Variants in TMEM151A observed in about 807,000 individuals in gnomAD.
TMEM151A encodes transmembrane protein 151A, also known as transmembrane protein 151.
A neutral mutation model predicts 33.7 loss-of-function variants in TMEM151A; 21 were observed. The observed-to-expected ratio is 0.62, with a 90% confidence interval of 0.44 to 0.90. TMEM151A has a LOEUF of 0.90. TMEM151A is among the 40% of genes least tolerant of loss of function. The probability of loss-of-function intolerance (pLI) is 0.00; values close to 1 mark genes in which losing one functional copy is unlikely to be tolerated. For missense variants in TMEM151A, 704 were observed against 697.7 expected, an observed-to-expected ratio of 1.01 and a Z score of -0.10; for synonymous variants, 374 against 330.3, an observed-to-expected ratio of 1.13 and a Z score of -1.43.
rs552250699 is a variant in TMEM151A, at chr11:66,292,033, G to A, written c.20G>A (p.Gly7Asp). ...GACACCATGCCCGAGGACGGCGCTG[G>A]CGACGGCGGGGAGGTGCCCGCGCTC... is the stretch of plus-strand genomic sequence containing the variant. MPEDGA[G>D]DGGEVPALIP... Residue 7 changes from glycine to aspartate, a missense_variant, in exon 1 of 2, where the codon GGC becomes GAC. By Grantham distance (94) the Gly-to-Asp change is moderately conservative. Transcript: ENST00000327259. The surrounding 1 kb of genome is among the most constrained non-coding windows in gnomAD (Gnocchi z 4.7). The A allele has an allele frequency of 1.8e-3, 2,698 of 1,501,756 alleles. 6 individuals carry two copies. Among genetic ancestry groups the A allele is most frequent in the Non-Finnish European group, 2.2e-3 (2,525 of 1,132,252 alleles). The allele number at this position is 1,501,756 out of a possible 1,614,324, so 93.0% of individuals were successfully genotyped here.
chr11:66,292,755 T>A lies in TMEM151A; in HGVS notation c.75+667T>A, dbSNP rs1404102797. ...GTGTGTGAATTGGGTGTGTGCGCCCTGTAGTCAGGTGAGGGGCGAGTGGGT... is the reference window on the plus strand; with the variant it reads ...GTGTGTGAATTGGGTGTGTGCGCCCAGTAGTCAGGTGAGGGGCGAGTGGGT... On this transcript the variant is annotated intron_variant, in intron 1 of 1. Coordinates refer to ENST00000327259, the MANE Select transcript of TMEM151A (RefSeq NM_153266.4). The surrounding 1 kb of genome is among the most constrained non-coding windows in gnomAD (Gnocchi z 4.7). Among the ~76,000 whole-genome samples the A allele has an allele frequency of 3.3e-5, 5 of 151,812 alleles. No individual in the cohort carries two copies.
rs911213765 is a variant in TMEM151A at position 66,292,893 on chromosome 11, G to T, written c.75+805G>T. 6.6e-6 allele frequency among the ~76,000 whole-genome samples: 1 copy of T among 151,806 alleles called. No individual in the cohort carries two copies. Among genetic ancestry groups the T allele is most frequent in the Non-Finnish European group, 1.5e-5 (1 of 67,918 alleles). On this transcript the variant is annotated intron_variant, in intron 1 of 1. Transcript: ENST00000327259. The surrounding 1 kb of genome is among the most constrained non-coding windows in gnomAD (Gnocchi z 4.7). ...GAGCCTGGGGGTCAGTTTGCAGTGG[G>T]GGGTGGGGAGATGTGCACTGTGGTC...
intron 1 of TMEM151A, 61 bp from the exon 2 acceptor site, chr11:66,294,261 G>T: frequency 1.3e-6 from 2 of 1,581,366 alleles, no homozygotes; most frequent in Non-Finnish European, 1.7e-6. Context: ...GTTAAGCAAA[G>T]TGGCAGGCCC....
Position 66,295,505 on chromosome 11 carries a change from G to A in TMEM151A, c.1259G>A (p.Arg420His), listed in dbSNP as rs1228708534. The A allele has an allele frequency of 5.0e-6, 7 of 1,391,940 alleles. No individual in the cohort carries two copies. Among genetic ancestry groups the A allele is most frequent in the Non-Finnish European group, 6.5e-6 (7 of 1,072,976 alleles). The allele number at this position is 1,391,940 out of a possible 1,614,324, so 86.2% of individuals were successfully genotyped here. ...AGGRATPGVFRSLSGGPLGRR... is the reference protein window; with the variant it reads ...AGGRATPGVFHSLSGGPLGRR... ...GGCCGGGCCACGCCAGGGGTCTTCC[G>A]CAGCCTGAGCGGGGGGCCGCTGGGG... The change falls in exon 2 of 2, where the codon CGC (arginine) becomes CAC (histidine). Residue 420 changes from arginine (R) to histidine (H), a missense_variant. Around this residue, in one of 3 missense-constraint regions of TMEM151A, gnomAD observed 398 missense variants for 356.0 expected, o/e 1.12. Transcript: ENST00000327259.
rs1463393094 is a variant in TMEM151A at position 66,295,409 on chromosome 11, C to G, written c.1163C>G (p.Ser388Trp). 1.3e-6 allele frequency: 2 copies of G among 1,514,958 alleles called. No homozygotes were observed. The highest frequency in any genetic ancestry group is 1.8e-6 in the Non-Finnish European group (2 of 1,132,240). 93.8% of individuals were successfully genotyped at this position (1,514,958 alleles called of 1,614,324 possible). A position where few individuals can be genotyped will look rare whatever the true frequency, so the allele number is the denominator to read the frequency against. ...QRCRRSVSSN[S>W]LPPARPSGPR... ...TGCCGCCGCTCTGTCAGCAGCAACT[C>G]GCTGCCCCCCGCCCGGCCCAGCGGG... Residue 388 changes from serine (S) to tryptophan (W), a missense_variant, in exon 2 of 2, where the codon TCG (serine) becomes TGG (tryptophan). By Grantham distance (177) the Ser-to-Trp change is radical. This residue lies in a region of TMEM151A where 398 missense variants were observed against 356.0 expected (regional missense o/e 1.12). Coordinates refer to ENST00000327259, the MANE Select transcript of TMEM151A (RefSeq NM_153266.4).
rs1857487702 is a variant in TMEM151A at position 66,294,442 on chromosome 11, A to G, written c.196A>G (p.Thr66Ala). 2 of 1,610,458 alleles carry G rather than the reference A, an allele frequency of 1.2e-6. No homozygotes were observed. The highest frequency in any genetic ancestry group is 1.3e-5 in the African/African-American group (1 of 74,888). The change falls in exon 2 of 2, where the codon ACA becomes GCA. Residue 66 changes from threonine (T) to alanine (A), a missense_variant. Coordinates refer to ENST00000327259, the MANE Select transcript of TMEM151A (RefSeq NM_153266.4). ...CGTGGTGGCCTGGTGTCGCCTGGCC[A>G]CAGTGCCGCGGCTGGTCCTGGGGCC... ...GAVVAWCRLA[T>A]VPRLVLGPEA...
rs1282443756 is a variant in TMEM151A at position 66,295,960 on chromosome 11, A to G, written c.*307A>G. ...TCCAGAAAGGCTGGGATGGAGGAGGAGTCCTGCGGCCAGCTGTTGCCTGCA... is the reference window on the plus strand; with the variant it reads ...TCCAGAAAGGCTGGGATGGAGGAGGGGTCCTGCGGCCAGCTGTTGCCTGCA... On this transcript the variant is annotated 3_prime_UTR_variant, in exon 2 of 2. Transcript: ENST00000327259. 5 of 284,856 alleles carry G rather than the reference A, an allele frequency of 1.8e-5. No homozygotes were observed. The East Asian group carries it at 1.8e-4, about 10-fold the overall frequency. 17.6% of individuals were successfully genotyped at this position (284,856 alleles called of 1,614,324 possible). A position where few individuals can be genotyped will look rare whatever the true frequency, so the allele number is the denominator to read the frequency against.
rs2134898927 is a variant in TMEM151A at position 66,294,815 on chromosome 11, G to T, written c.569G>T (p.Arg190Leu). ...GAGCGCGCTGACAGCCGCACGGCCC[G>T]CGGCGAGTTTGACTACTCGGCGCAC... ...YHERADSRTA[R>L]GEFDYSAHGV... The change falls in exon 2 of 2, where the codon CGC becomes CTC. Residue 190 changes from arginine (R) to leucine (L), a missense_variant. By Grantham distance (102) the Arg-to-Leu change is moderately radical (BLOSUM62 -2). Transcript: ENST00000327259. 7 of 1,541,810 alleles carry T rather than the reference G, an allele frequency of 4.5e-6. No homozygotes were observed. Among genetic ancestry groups the T allele is most frequent in the Non-Finnish European group, 6.1e-6 (7 of 1,146,340 alleles).
chr11:66,294,266 A>T, intron 1 of TMEM151A, 56 bp from the exon 2 acceptor site: 1 of 1,584,598 alleles, frequency 6.3e-7, no homozygotes, highest in Non-Finnish European at 8.5e-7. Flanking sequence ...GCAAAGTGGC[A>T]GGCCCCACTG....
chr11:66,293,371 C>T lies in TMEM151A; in HGVS notation c.76-951C>T, dbSNP rs577384977. On this transcript the variant is annotated intron_variant, in intron 1 of 1. Coordinates refer to ENST00000327259, the MANE Select transcript of TMEM151A (RefSeq NM_153266.4). The stretch of plus-strand genomic sequence containing the variant: ...TTTTCCTCCCCTTTTTACCCTTCCC[C>T]TCGCCCCACTTTATCCCTACCTGCT... Among the ~76,000 whole-genome samples the T allele has an allele frequency of 2.6e-5, 4 of 152,192 alleles. No individual in the cohort carries two copies. In the East Asian group the frequency reaches 7.7e-4, roughly 29 times the overall value.
chr11:66,294,492 CG>C lies in TMEM151A; in HGVS notation c.251del (p.Gly84AlafsTer55). 2 of 1,603,770 alleles carry C rather than the reference CG, an allele frequency of 1.2e-6. No homozygotes were observed. Among genetic ancestry groups the C allele is most frequent in the Non-Finnish European group, 1.7e-6 (2 of 1,174,978 alleles). ...GPEAALARGA[G>X]GPPPTYPASP... ...CCGAGGCCGCCTTGGCCCGGGGAGC[CG>C]GGGGCCCGCCACCGACCTACCCGGC... On this transcript the variant is annotated frameshift_variant, in exon 2 of 2. Transcript: ENST00000327259. LOFTEE classifies it high-confidence loss of function.
rs1385863974 is a variant in TMEM151A, at chr11:66,295,295, T to C, written c.1049T>C (p.Ile350Thr). 1 of 1,581,864 alleles carries C rather than the reference T, an allele frequency of 6.3e-7. No individual in the cohort carries two copies. Among genetic ancestry groups the C allele is most frequent in the Non-Finnish European group, 8.6e-7 (1 of 1,164,460 alleles). The change falls in exon 2 of 2, where the codon ATC becomes ACC. Residue 350 changes from isoleucine (I) to threonine (T), a missense_variant. Around this residue, in one of 3 missense-constraint regions of TMEM151A, gnomAD observed 398 missense variants for 356.0 expected, o/e 1.12. Coordinates refer to ENST00000327259, the MANE Select transcript of TMEM151A (RefSeq NM_153266.4). ...TVDFTELEWH[I>T]CSNRQLVPSY... ...GACTTCACTGAGCTCGAGTGGCACA[T>C]CTGCTCCAACCGGCAGCTGGTGCCC...
rs1395057981 is a variant in TMEM151A at position 66,295,568 on chromosome 11, C to T, written c.1322C>T (p.Pro441Leu). 1.3e-6 allele frequency: 2 copies of T among 1,500,294 alleles called. No individual in the cohort carries two copies. Among genetic ancestry groups the T allele is most frequent in the African/African-American group, 1.5e-5 (1 of 68,488 alleles). 92.9% of individuals were successfully genotyped at this position (1,500,294 alleles called of 1,614,324 possible). The change falls in exon 2 of 2, where the codon CCC (proline) becomes CTC (leucine). Residue 441 changes from proline to leucine, a missense_variant. Pro to Leu is a moderately conservative substitution (Grantham distance 98, BLOSUM62 -3). This residue lies in a region of TMEM151A where 398 missense variants were observed against 356.0 expected (regional missense o/e 1.12). Coordinates refer to ENST00000327259, the MANE Select transcript of TMEM151A (RefSeq NM_153266.4). ...GACACGGAACCCCTGGAGAGCCCGC[C>T]CTGCTATGAGGACGCCCTCTACTTC... ...GEDTEPLESP[P>L]CYEDALYFPV...
At position 66,292,061 on chromosome 11, in the gene TMEM151A, C is replaced by G; in HGVS notation, c.48C>G (p.Ile16Met). The change falls in exon 1 of 2, where the codon ATC becomes ATG. Residue 16 changes from isoleucine to methionine, a missense_variant. Physicochemically the swap from Ile to Met is conservative, Grantham distance 10. Around this residue, in one of 3 missense-constraint regions of TMEM151A, gnomAD observed 301 missense variants for 323.4 expected, o/e 0.93. Coordinates refer to ENST00000327259, the MANE Select transcript of TMEM151A (RefSeq NM_153266.4). The surrounding 1 kb of genome is among the most constrained non-coding windows in gnomAD (Gnocchi z 4.7). ...ACGGCGGGGAGGTGCCCGCGCTCATCCCGGACGGCGAGCCGCTGCGGGAAG... is the reference window on the plus strand; with the variant it reads ...ACGGCGGGGAGGTGCCCGCGCTCATGCCGGACGGCGAGCCGCTGCGGGAAG... The part of the protein sequence containing the change: ...AGDGGEVPAL[I>M]PDGEPLREEQ... 6.7e-7 allele frequency: 1 copy of G among 1,489,752 alleles called. No individual in the cohort carries two copies. Among genetic ancestry groups the G allele is most frequent in the Non-Finnish European group, 8.9e-7 (1 of 1,127,610 alleles). The allele number at this position is 1,489,752 out of a possible 1,614,324, so 92.3% of individuals were successfully genotyped here.
At position 66,295,469 on chromosome 11, in the gene TMEM151A, TG is replaced by T; in HGVS notation, c.1226del (p.Gly409AlafsTer14). ...CCCTTCAGCCGCAGCCGCCTCTCGC[TG>T]GGCGCTGGCGGCCGGGCCACGCCAG... ...RLPFSRSRLS[L>X]GAGGRATPGV... On this transcript the variant is annotated frameshift_variant, in exon 2 of 2. Transcript: ENST00000327259. LOFTEE classifies it high-confidence loss of function. The T allele has an allele frequency of 7.1e-7, 1 of 1,415,088 alleles. No homozygotes were observed. Among genetic ancestry groups the T allele is most frequent in the Non-Finnish European group, 9.2e-7 (1 of 1,087,478 alleles). 87.7% of individuals were successfully genotyped at this position (1,415,088 alleles called of 1,614,324 possible).
intron 1 of TMEM151A, 36 bp from the exon 2 acceptor site, chr11:66,294,286 C>T (rs182446191): frequency 1.3e-6 from 2 of 1,596,800 alleles, no homozygotes; most frequent in East Asian, 2.2e-5. Flanking sequence ...GATGGCCCCA[C>T]CTGACACAGA....
chr11:66,295,437 C>T lies in TMEM151A; in HGVS notation c.1191C>T (p.Pro397=), dbSNP rs1254728626. 21 of 1,464,632 alleles carry T rather than the reference C, an allele frequency of 1.4e-5. No homozygotes were observed. Among genetic ancestry groups the T allele is most frequent in the Non-Finnish European group, 1.8e-5 (20 of 1,110,134 alleles). 90.7% of individuals were successfully genotyped at this position (1,464,632 alleles called of 1,614,324 possible). The part of the protein sequence containing the change: ...NSLPPARPSG[P]RLPFSRSRLS... ...TGCCCCCCGCCCGGCCCAGCGGGCC[C>T]CGCCTGCCCTTCAGCCGCAGCCGCC... The change falls in exon 2 of 2, where the codon CCC becomes CCT. Residue 397 remains proline (P), a synonymous_variant. Transcript: ENST00000327259.
In TMEM151A at chr11:66,295,659, C is replaced by T. The variant is rs1312274002; in HGVS notation, c.*6C>T. ...ATGGGCAGGGTGCTCTCTGAGACCC[C>T]CCACGGCCCCCAGAGTGGCCCCCTC... On this transcript the variant is annotated 3_prime_UTR_variant, in exon 2 of 2. Coordinates refer to ENST00000327259, the MANE Select transcript of TMEM151A (RefSeq NM_153266.4). The T allele has an allele frequency of 2.0e-6, 3 of 1,487,590 alleles. No homozygotes were observed. Among genetic ancestry groups the T allele is most frequent in the Non-Finnish European group, 8.9e-7 (1 of 1,122,304 alleles). 92.1% of individuals were successfully genotyped at this position (1,487,590 alleles called of 1,614,324 possible).
chr11:66,294,806 G>A lies in TMEM151A; in HGVS notation c.560G>A (p.Arg187His), dbSNP rs1046445305. The change falls in exon 2 of 2, where the codon CGC becomes CAC. Residue 187 changes from arginine (R) to histidine (H), a missense_variant. Physicochemically the swap from Arg to His is conservative, Grantham distance 29. Around this residue, in one of 3 missense-constraint regions of TMEM151A, gnomAD observed 301 missense variants for 323.4 expected, o/e 0.93. Coordinates refer to ENST00000327259, the MANE Select transcript of TMEM151A (RefSeq NM_153266.4). ...TQVYHERADS[R>H]TARGEFDYSA... ...GTGTACCATGAGCGCGCTGACAGCC[G>A]CACGGCCCGCGGCGAGTTTGACTAC... 8.4e-6 allele frequency: 13 copies of A among 1,542,610 alleles called. No homozygotes were observed. The highest frequency in any genetic ancestry group is 7.3e-5 in the East Asian group (3 of 40,930).
Sources: gnomAD v4.1 joint callset for allele counts (sites outside exome capture counted in the v4.1 genomes callset) on GRCh38, gnomAD v4.1.1 for gene constraint, gnomAD v4.1.1 regional missense constraint, Gnocchi (gnomAD v3.1) non-coding constraint, MANE v1.5 for transcripts, NCBI Gene and HGNC (gene_info 2026-07-23, HGNC 2026-07-21) for gene names.